Variants in CXCL13 observed in about 807,000 individuals in gnomAD.
The protein encoded by CXCL13 is C-X-C motif chemokine 13.
Under a neutral mutation model 12.2 loss-of-function variants are expected in CXCL13, and 7 were observed. The ratio of observed to expected loss-of-function variants is 0.57; its 90% CI spans 0.33 to 1.07. The LOEUF is 1.07. CXCL13 is among the 50% of genes least tolerant of loss of function. The probability of loss-of-function intolerance (pLI) is 0.04; values close to 1 mark genes in which losing one functional copy is unlikely to be tolerated. For synonymous variants in CXCL13, 47 were observed against 42.4 expected (o/e 1.11, Z -0.42); for missense variants, 113 against 127.4 (o/e 0.89, Z 0.55).
intron 1 of CXCL13, among the ~76,000 whole-genome samples, chr4:77,551,705 T>G (rs1194310125): frequency 6.6e-6 from 1 of 152,214 alleles, no homozygotes; most frequent in African/African-American, 2.4e-5. Flanking sequence ...TTTTTTTCCA[T>G]TTCTCTCAGG....
chr4:77,582,206 A>G (rs192805495), intron 1 of CXCL13, among the ~76,000 whole-genome samples: 189 of 152,246 alleles, frequency 1.2e-3, no homozygotes, highest in African/African-American at 4.5e-3. Flanking sequence ...CCCTCCCTCT[A>G]TACATTGGAG....
At chr4:77,560,958 T>C (rs1243880256) in intron 1 of CXCL13, among the ~76,000 whole-genome samples, 1 of 152,210 alleles carries the variant, frequency 6.6e-6, no homozygotes, top group Non-Finnish European at 1.5e-5. Context: ...CTGCACTTCC[T>C]CTCTTGCATA....
chr4:77,528,958 A>C (rs748603501), intron 1 of CXCL13, among the ~76,000 whole-genome samples: 8 of 152,180 alleles, frequency 5.3e-5, no homozygotes, highest in Non-Finnish European at 1.2e-4. Flanking sequence ...TTTTTGTATA[A>C]GGTGTAAGGA....
Position 77,571,420 on chromosome 4 carries a change from A to G in CXCL13, c.-42-34404A>G, listed in dbSNP as rs895797240. ...TGTCTAGCTCAGGGATTGTAAATACACCAATCGGCACTCTGTATCTAGCTC... is the reference window on the plus strand; with the variant it reads ...TGTCTAGCTCAGGGATTGTAAATACGCCAATCGGCACTCTGTATCTAGCTC... On this transcript the variant is annotated intron_variant, in intron 1 of 4. Coordinates refer to the CXCL13 transcript ENST00000286758. 9.3e-5 allele frequency among the ~76,000 whole-genome samples: 14 copies of G among 150,654 alleles called. No individual in the cohort carries two copies. In the South Asian group the frequency reaches 2.5e-3, roughly 27 times the overall value.
At chr4:77,545,986 T>C (rs1725352347) in intron 1 of CXCL13, among the ~76,000 whole-genome samples, 1 of 152,248 alleles carries the variant, frequency 6.6e-6, no homozygotes, top group African/African-American at 2.4e-5. Flanking sequence ...GTAGGTCTTT[T>C]CTGCCTCTAT....
intron 1 of CXCL13, among the ~76,000 whole-genome samples, chr4:77,550,466 G>C (rs544978811): frequency 6.6e-6 from 1 of 152,236 alleles, no homozygotes; most frequent in South Asian, 2.1e-4. Flanking sequence ...GACTGGAGCT[G>C]TTCCTATTCA....
At chr4:77,519,910 T>A (rs1244100571) in intron 1 of CXCL13, among the ~76,000 whole-genome samples, 1 of 152,222 alleles carries the variant, frequency 6.6e-6, no homozygotes, top group Non-Finnish European at 1.5e-5. Context: ...AAGGAAGGGA[T>A]CCAGTTTCAG....
intron 1 of CXCL13, among the ~76,000 whole-genome samples, chr4:77,607,433 C>T (rs1727022074): frequency 2.0e-5 from 3 of 152,166 alleles, no homozygotes; most frequent in African/African-American, 7.2e-5. Flanking sequence ...CCAATCCTCC[C>T]ACCTTGGCCT....
rs532061844 is a variant in CXCL13 at position 77,583,190 on chromosome 4, G to T, written c.-42-22634G>T. 3.9e-5 allele frequency among the ~76,000 whole-genome samples: 6 copies of T among 152,302 alleles called. No homozygotes were observed. The East Asian group carries it at 1.2e-3, about 29-fold the overall frequency. On this transcript the variant is annotated intron_variant, in intron 1 of 4. Transcript: ENST00000286758. ...GGAAAGCTTCTACTTTAATCCCTGG[G>T]CTAGAAATTGCTCTTAGGGCTTATT...
intron 1 of CXCL13, among the ~76,000 whole-genome samples, chr4:77,566,559 TA>T (rs1293074980): frequency 6.6e-6 from 1 of 150,462 alleles, no homozygotes; most frequent in Non-Finnish European, 1.5e-5. Flanking sequence ...AAACCTGTTT[TA>T]AATTTAAAAA....
At chr4:77,546,941 G>A (rs1578047745) in intron 1 of CXCL13, among the ~76,000 whole-genome samples, 1 of 152,022 alleles carries the variant, frequency 6.6e-6, no homozygotes, top group African/African-American at 2.4e-5. Context: ...TGCATTGTGT[G>A]TTTGTTCTCA....
Position 77,607,683 on chromosome 4 carries a change from G to T in CXCL13, c.65-20G>T. 6.3e-7 allele frequency: 1 copy of T among 1,590,124 alleles called. No individual in the cohort carries two copies. The highest frequency in any genetic ancestry group is 1.2e-5 in the South Asian group (1 of 85,750). On this transcript the variant is annotated intron_variant, in intron 1 of 3. Coordinates refer to ENST00000682537, the MANE Select transcript of CXCL13 (RefSeq NM_001371558.1). Reference sequence around the variant, plus strand: ...TACATGCCAATGGATTAAAATAACTGATTCTGTGTTTACTTACAGGTGTTC... The same window carrying T: ...TACATGCCAATGGATTAAAATAACTTATTCTGTGTTTACTTACAGGTGTTC...
intron 1 of CXCL13, among the ~76,000 whole-genome samples, chr4:77,551,093 C>A (rs1377588837): frequency 6.6e-6 from 1 of 152,146 alleles, no homozygotes; most frequent in Non-Finnish European, 1.5e-5. Flanking sequence ...CCACCCTGTG[C>A]CTTTTAAGTG....
chr4:77,528,942 A>C (rs1724838641), intron 1 of CXCL13, among the ~76,000 whole-genome samples: 2 of 152,166 alleles, frequency 1.3e-5, no homozygotes, highest in African/African-American at 4.8e-5. Flanking sequence ...ATCCATCTTG[A>C]ATTAATTTTT....
intron 1 of CXCL13, among the ~76,000 whole-genome samples, chr4:77,527,782 T>A (rs1443382327): frequency 2.0e-5 from 3 of 152,162 alleles, no homozygotes; most frequent in African/African-American, 7.2e-5. Flanking sequence ...TTTATTATTT[T>A]TTATTTTATT....
intron 1 of CXCL13, among the ~76,000 whole-genome samples, chr4:77,590,877 CTATT>C (rs1347557652): frequency 6.6e-6 from 1 of 152,110 alleles, no homozygotes; most frequent in Admixed American, 6.6e-5. Flanking sequence ...CTGTCTCATA[CTATT>C]TATTTGTTTA....
At chr4:77,566,836 G>C (rs1200649516) in intron 1 of CXCL13, among the ~76,000 whole-genome samples, 1 of 152,142 alleles carries the variant, frequency 6.6e-6, no homozygotes. Context: ...CCAACCAGTT[G>C]TACTTCTTGA....
At chr4:77,605,484 G>T (rs888803091), upstream of CXCL13, among the ~76,000 whole-genome samples, 3 of 152,026 alleles carry the variant, frequency 2.0e-5, no homozygotes, top group African/African-American at 7.2e-5. Flanking sequence ...GAGAAACCTG[G>T]CTCACCCTGC....
chr4:77,603,447 A>G (rs531781259), upstream of CXCL13, among the ~76,000 whole-genome samples: 15 of 152,322 alleles, frequency 9.8e-5, 1 homozygote, highest in Middle Eastern at 6.8e-3. Context: ...TACAATGTTC[A>G]GATGTATGCA....
Sources: gnomAD v4.1 joint callset for allele counts (sites outside exome capture counted in the v4.1 genomes callset) on GRCh38, gnomAD v4.1.1 for gene constraint, MANE v1.5 for transcripts, NCBI Gene and HGNC (gene_info 2026-07-23, HGNC 2026-07-21) for gene names.